GDPD1: variants seen among roughly 807,000 people sequenced by gnomAD.
GDPD1 encodes the protein glycerophosphodiester phosphodiesterase domain containing 1, also known as lysophospholipase D GDPD1.
A neutral mutation model predicts 45.1 loss-of-function variants in GDPD1; 28 were observed. The ratio of observed to expected loss-of-function variants is 0.62; its 90% CI spans 0.46 to 0.85. GDPD1 has a LOEUF of 0.85. Ranked by LOEUF, GDPD1 falls within the 40% of genes least tolerant of loss-of-function variation. The pLI is 0.00. For synonymous variants in GDPD1, 139 were observed against 131.4 expected (o/e 1.06, Z -0.40); for missense variants, 256 against 364.8 (o/e 0.70, Z 2.43).
intron 1 of GDPD1, among the ~76,000 whole-genome samples, chr17:59,225,927 G>C (rs2047044183): frequency 6.6e-6 from 1 of 150,930 alleles, no homozygotes; most frequent in East Asian, 2.0e-4. Context: ...CACCATGTTG[G>C]CCAGGCTGGT....
intron 9 of GDPD1, 36 bp downstream of exon 9, chr17:59,272,872 T>C (rs1355743148): frequency 2.3e-5 from 37 of 1,613,550 alleles, no homozygotes; most frequent in Non-Finnish European, 3.1e-5. Context: ...GGAAGCAGCA[T>C]AGCTCACCAG....
At chr17:59,250,618 A>AAC (rs1555723612) in intron 4 of GDPD1, among the ~76,000 whole-genome samples, 2 of 144,846 alleles carry the variant, frequency 1.4e-5, no homozygotes, top group African/African-American at 5.5e-5. Context: ...TGTCTCAAAA[A>AAC]AAAAAAAAAA....
intron 2 of GDPD1, among the ~76,000 whole-genome samples, chr17:59,236,136 T>C (rs762850993): frequency 2.6e-5 from 4 of 152,196 alleles, no homozygotes; most frequent in Non-Finnish European, 5.9e-5. Flanking sequence ...GTTAAATTTT[T>C]ACCAACCACC....
chr17:59,245,935 A>G (rs1318882089), intron 3 of GDPD1, among the ~76,000 whole-genome samples: 1 of 152,092 alleles, frequency 6.6e-6, no homozygotes, highest in Non-Finnish European at 1.5e-5. Context: ...AGCCTGGCCA[A>G]CATGGTGAAA....
intron 2 of GDPD1, among the ~76,000 whole-genome samples, chr17:59,238,889 T>G (rs1195740177): frequency 1.1e-4 from 17 of 152,148 alleles, no homozygotes; most frequent in Admixed American, 1.1e-3. Flanking sequence ...AGACAGAGCC[T>G]CCTTCATAGT....
At chr17:59,238,253 A>C (rs2047148786) in intron 2 of GDPD1, among the ~76,000 whole-genome samples, 1 of 128,770 alleles carries the variant, frequency 7.8e-6, no homozygotes, top group Admixed American at 8.3e-5. Context: ...GGGCAACAAG[A>C]GTGAAACTCC....
At chr17:59,236,556 C>T (rs535813360) in intron 2 of GDPD1, among the ~76,000 whole-genome samples, 3 of 152,116 alleles carry the variant, frequency 2.0e-5, no homozygotes, top group East Asian at 1.9e-4. Flanking sequence ...AGTGCAATGG[C>T]GGGATCTCAG....
At position 59,248,752 on chromosome 17, in the gene GDPD1, T is replaced by C. The variant is rs1235434659; in HGVS notation, c.334T>C (p.Tyr112His). ...SDLKYCELPPYLGKLDVSFQR... is the reference protein window; with the variant it reads ...SDLKYCELPPHLGKLDVSFQR... ...TATCTTTTTAAAGGAGCTCCCACCT[T>C]ACCTTGGCAAACTGGATGTCTCATT... is the stretch of plus-strand genomic sequence containing the variant. Residue 112 changes from tyrosine (Y) to histidine (H), a missense_variant, in exon 4 of 10, where the codon TAC becomes CAC. Transcript: ENST00000284116. The C allele has an allele frequency of 1.2e-6, 2 of 1,604,518 alleles. No homozygotes were observed. Among genetic ancestry groups the C allele is most frequent in the Non-Finnish European group, 1.7e-6 (2 of 1,174,636 alleles).
At chr17:59,242,573 CT>C (rs1007803069) in intron 2 of GDPD1, among the ~76,000 whole-genome samples, 2 of 152,096 alleles carry the variant, frequency 1.3e-5, no homozygotes, top group African/African-American at 2.4e-5. Flanking sequence ...TACACACAAA[CT>C]TTTTTTACAT....
At chr17:59,222,644 A>T (rs1170930937) in intron 1 of GDPD1, among the ~76,000 whole-genome samples, 1 of 150,558 alleles carries the variant, frequency 6.6e-6, no homozygotes, top group Non-Finnish European at 1.5e-5. Flanking sequence ...CCTCCCGAGT[A>T]GCTGGGATTA....
intron 1 of GDPD1, among the ~76,000 whole-genome samples, chr17:59,224,076 A>C (rs2047026682): frequency 6.6e-6 from 1 of 152,100 alleles, no homozygotes; most frequent in South Asian, 2.1e-4. Context: ...TTCCTAATGA[A>C]CTCAGATGTT....
Position 59,232,365 on chromosome 17 carries a change from G to A in GDPD1, c.143-2127G>A, listed in dbSNP as rs961167259. On this transcript the variant is annotated intron_variant, in intron 1 of 9. Transcript: ENST00000284116. ...CTTGGGAGGCTGAGGCAGGAGAATCGCTTGAACCTGGGAGGCGGAGGTTAC... is the reference window on the plus strand; with the variant it reads ...CTTGGGAGGCTGAGGCAGGAGAATCACTTGAACCTGGGAGGCGGAGGTTAC... 4.0e-5 allele frequency among the ~76,000 whole-genome samples: 6 copies of A among 151,700 alleles called. 1 individual carries two copies. Among genetic ancestry groups the A allele is most frequent in the East Asian group, 3.9e-4 (2 of 5,126 alleles).
chr17:59,259,865 A>G (rs963486730), intron 6 of GDPD1, among the ~76,000 whole-genome samples: 1 of 151,042 alleles, frequency 6.6e-6, no homozygotes, highest in Non-Finnish European at 1.5e-5. Context: ...GTTTGAGACC[A>G]GCCTAGGGAA....
rs1251791097 is a variant in GDPD1, at chr17:59,238,271, A to G, written c.185+3737A>G. On this transcript the variant is annotated intron_variant, in intron 2 of 9. Coordinates refer to ENST00000284116, the MANE Select transcript of GDPD1 (RefSeq NM_182569.4). ...CAACAAGAGTGAAACTCCATCTCAA[A>G]AAAAAAAAAAAAAAAGAAGTAATTA... is the stretch of plus-strand genomic sequence containing the variant. Among the ~76,000 whole-genome samples, 3 of 150,104 alleles carry G rather than the reference A, an allele frequency of 2.0e-5. No homozygotes were observed. In the East Asian group the frequency reaches 5.8e-4, roughly 29 times the overall value.
intron 7 of GDPD1, among the ~76,000 whole-genome samples, chr17:59,270,109 A>G (rs1462420431): frequency 6.6e-6 from 1 of 152,158 alleles, no homozygotes; most frequent in Non-Finnish European, 1.5e-5. Flanking sequence ...TATTTGAGCT[A>G]CTAAATCCCT....
intron 9 of GDPD1, chr17:59,273,073 GTT>G: frequency 3.6e-5 from 18 of 506,062 alleles, no homozygotes; most frequent in Non-Finnish European, 5.1e-5. Context: ...GTGGGACAGT[GTT>G]TGTGTGTGTG....
At chr17:59,268,292 C>T (rs549637833) in intron 7 of GDPD1, among the ~76,000 whole-genome samples, 17 of 152,122 alleles carry the variant, frequency 1.1e-4, no homozygotes, top group African/African-American at 3.9e-4. Flanking sequence ...AAACACTTTT[C>T]ATGGCCGGGC....
At chr17:59,258,848 A>G (rs1479888482) in intron 6 of GDPD1, among the ~76,000 whole-genome samples, 1 of 152,092 alleles carries the variant, frequency 6.6e-6, no homozygotes, top group Non-Finnish European at 1.5e-5. Flanking sequence ...TTAGCTGGGC[A>G]TGATGACTCA....
intron 9 of GDPD1, among the ~76,000 whole-genome samples, chr17:59,273,450 C>T (rs2047458435): frequency 6.6e-6 from 1 of 151,980 alleles, no homozygotes; most frequent in Non-Finnish European, 1.5e-5. Flanking sequence ...ATTTAACAAG[C>T]ACCATGAATT....
Sources: gnomAD v4.1 joint callset for allele counts (sites outside exome capture counted in the v4.1 genomes callset) on GRCh38, gnomAD v4.1.1 for gene constraint, MANE v1.5 for transcripts, NCBI Gene and HGNC (gene_info 2026-07-23, HGNC 2026-07-21) for gene names.